GABRG2: variants seen among roughly 807,000 people sequenced by gnomAD.
The protein encoded by GABRG2 is gamma-aminobutyric acid type A receptor subunit gamma2, also known as gamma-aminobutyric acid receptor subunit gamma-2.
A neutral mutation model predicts 56.4 loss-of-function variants in GABRG2; 16 were observed. The ratio of observed to expected loss-of-function variants is 0.28; its 90% CI spans 0.19 to 0.43. The LOEUF (loss-of-function observed/expected upper bound fraction) is 0.43. GABRG2 is among the 20% of genes least tolerant of loss of function. The pLI is 1.00. For synonymous variants in GABRG2, 208 were observed against 205.5 expected, an observed-to-expected ratio of 1.01 and a Z score of -0.10; for missense variants, 327 against 582.7, an observed-to-expected ratio of 0.56 and a Z score of 4.52.
chr5:162,098,437 G>A (rs527610886), intron 4 of GABRG2: 1 of 153,086 alleles, frequency 6.5e-6, no homozygotes, highest in African/African-American at 2.4e-5. Context: ...AAATTAAATT[G>A]TGAAATTAGA....
intron 6 of GABRG2, among the ~76,000 whole-genome samples, chr5:162,108,294 T>C (rs999489906): frequency 3.3e-5 from 5 of 152,186 alleles, no homozygotes; most frequent in African/African-American, 7.2e-5. Context: ...GTAGGTTCAA[T>C]TGAGCACAAG....
At chr5:162,113,571 A>G (rs1281303135) in intron 6 of GABRG2, among the ~76,000 whole-genome samples, 1 of 152,220 alleles carries the variant, frequency 6.6e-6, no homozygotes, top group Non-Finnish European at 1.5e-5. Context: ...TACATTGCCA[A>G]CAAGACTCAA....
intron 1 of GABRG2, among the ~76,000 whole-genome samples, chr5:162,085,006 C>T (rs1281190928): frequency 6.6e-6 from 1 of 151,880 alleles, no homozygotes; most frequent in Non-Finnish European, 1.5e-5. Flanking sequence ...GAACCCACTT[C>T]AGGTTACTGC....
Position 162,097,864 on chromosome 5 carries a change from CT to C in GABRG2, c.548+10del. 6.2e-7 allele frequency: 1 copy of C among 1,609,168 alleles called. No homozygotes were observed. The highest frequency in any genetic ancestry group is 8.5e-7 in the Non-Finnish European group (1 of 1,176,210). On this transcript the variant is annotated splice_region_variant and intron_variant, in intron 4 of 9. Coordinates refer to ENST00000639213, the MANE Select transcript of GABRG2 (RefSeq NM_198904.4). ...CGAGTGCTCTACACCCTAAGGTATT[CT>C]TTTGCAAAAGGAAAGGAGTAATTGT...
intron 6 of GABRG2, among the ~76,000 whole-genome samples, chr5:162,117,563 G>A (rs750472702): frequency 5.9e-5 from 9 of 152,096 alleles, no homozygotes; most frequent in Non-Finnish European, 1.3e-4. Context: ...ATTGAGCTAC[G>A]ATTTAACCTT....
intron 8 of GABRG2, chr5:162,150,532 C>A (rs1048832195): frequency 6.6e-6 from 1 of 152,190 alleles, no homozygotes; most frequent in African/African-American, 2.4e-5. Context: ...GTGGCTGGCT[C>A]ATAGAAATCC....
chr5:162,073,603 A>T (rs1758851375), intron 1 of GABRG2, among the ~76,000 whole-genome samples: 1 of 151,954 alleles, frequency 6.6e-6, no homozygotes, highest in Non-Finnish European at 1.5e-5. Flanking sequence ...GGATATGTAT[A>T]GTTTTAATAT....
intron 6 of GABRG2, among the ~76,000 whole-genome samples, chr5:162,119,815 T>C (rs10079477): frequency 0.21 from 31,632 of 152,032 alleles, 4,029 homozygotes; most frequent in African/African-American, 0.36. Context: ...TATACCTTAA[T>C]TTCTCAAAAT....
In GABRG2 at chr5:162,128,666, G is replaced by A. The variant is rs71612913; in HGVS notation, c.770-13498G>A. The stretch of plus-strand genomic sequence containing the variant: ...CAGTGAAGCTCTGATACTGTACTTC[G>A]ACTTTTTGAGGAGGCAGGATGAAAA... On this transcript the variant is annotated intron_variant, in intron 6 of 9. Transcript: ENST00000639213. 5.1e-3 allele frequency among the ~76,000 whole-genome samples: 771 copies of A among 151,938 alleles called. 4 individuals are homozygous for A. The highest frequency in any genetic ancestry group is 8.2e-3 in the Non-Finnish European group (559 of 67,928).
intron 8 of GABRG2, chr5:162,150,259 A>T (rs1242608852): frequency 6.6e-6 from 1 of 152,292 alleles, no homozygotes; most frequent in African/African-American, 2.4e-5. Flanking sequence ...CAAAACAAAA[A>T]ATCCCAAAAT....
Position 162,094,059 on chromosome 5 carries a change from G to C in GABRG2, c.259+80G>C. 4 of 1,446,778 alleles carry C rather than the reference G, an allele frequency of 2.8e-6. No individual in the cohort carries two copies. In the South Asian group the frequency reaches 3.4e-5, roughly 12 times the overall value. 89.6% of individuals were successfully genotyped at this position (1,446,778 alleles called of 1,614,324 possible). ...CTTTAATAGATAAAACATCAGTGTA[G>C]TTCAAGAGCAAGGAAGATTTAAATT... is the stretch of plus-strand genomic sequence containing the variant. On this transcript the variant is annotated intron_variant, in intron 2 of 9. Coordinates refer to ENST00000639213, the MANE Select transcript of GABRG2 (RefSeq NM_198904.4).
At position 162,149,175 on chromosome 5, in the gene GABRG2, C is replaced by T; in HGVS notation, c.990C>T (p.Ser330=). 1 of 1,614,136 alleles carries T rather than the reference C, an allele frequency of 6.2e-7. No individual in the cohort carries two copies. The highest frequency in any genetic ancestry group is 8.5e-7 in the Non-Finnish European group (1 of 1,180,018). Reference sequence around the variant, plus strand: ...CCCGGAAATCGCTCCCCAAGGTCTCCTATGTCACAGCGATGGATCTCTTTG... The same window carrying T: ...CCCGGAAATCGCTCCCCAAGGTCTCTTATGTCACAGCGATGGATCTCTTTG... ...TIARKSLPKV[S]YVTAMDLFVS... The change falls in exon 8 of 10, where the codon TCC becomes TCT. Residue 330 remains serine, a synonymous_variant. Transcript: ENST00000639213.
At chr5:162,114,752 C>G (rs1762496323) in intron 6 of GABRG2, among the ~76,000 whole-genome samples, 1 of 152,148 alleles carries the variant, frequency 6.6e-6, no homozygotes, top group Non-Finnish European at 1.5e-5. Context: ...AAATATCTAA[C>G]ATAAGCAATG....
chr5:162,108,205 A>G (rs1761975064), intron 6 of GABRG2, among the ~76,000 whole-genome samples: 1 of 151,988 alleles, frequency 6.6e-6, no homozygotes, highest in Non-Finnish European at 1.5e-5. Flanking sequence ...TGACATTCAT[A>G]CTCTTAATCA....
chr5:162,083,941 C>A (rs1759857226), intron 1 of GABRG2, among the ~76,000 whole-genome samples: 1 of 151,724 alleles, frequency 6.6e-6, no homozygotes, highest in South Asian at 2.1e-4. Flanking sequence ...TTATTTAATG[C>A]ATTTAATAAA....
At chr5:162,133,823 C>T (rs192285639) in intron 6 of GABRG2, among the ~76,000 whole-genome samples, 26 of 152,082 alleles carry the variant, frequency 1.7e-4, no homozygotes, top group African/African-American at 6.3e-4. Flanking sequence ...CTAGAGAAAA[C>T]CACTACATTT....
rs116165817 is a variant in GABRG2, at chr5:162,108,387, G to A, written c.769+4361G>A. On this transcript the variant is annotated intron_variant, in intron 6 of 9. Transcript: ENST00000639213. ...CAATTTCCCAGCTTGTGAAAGAACC[G>A]AACTATTAATATGTTTCTGTGTTTA... 3.4e-3 allele frequency among the ~76,000 whole-genome samples: 514 copies of A among 152,176 alleles called. 2 individuals carry two copies. Among genetic ancestry groups the A allele is most frequent in the African/African-American group, 0.012 (499 of 41,538 alleles).
intron 1 of GABRG2, among the ~76,000 whole-genome samples, chr5:162,088,882 G>A (rs1200800627): frequency 6.6e-6 from 1 of 152,046 alleles, no homozygotes; most frequent in Admixed American, 6.6e-5. Flanking sequence ...AGAACATAGC[G>A]AATATTTTTA....
chr5:162,135,139 T>G (rs1688589576), intron 6 of GABRG2, among the ~76,000 whole-genome samples: 1 of 152,194 alleles, frequency 6.6e-6, no homozygotes, highest in African/African-American at 2.4e-5. Flanking sequence ...ACTAATTGGA[T>G]CTGGCTGAGA....
Sources: gnomAD v4.1 joint callset for allele counts (sites outside exome capture counted in the v4.1 genomes callset) on GRCh38, gnomAD v4.1.1 for gene constraint, MANE v1.5 for transcripts, NCBI Gene and HGNC (gene_info 2026-07-23, HGNC 2026-07-21) for gene names.